MTMR7: variants seen among roughly 807,000 people sequenced by gnomAD.
MTMR7 encodes the protein phosphatidylinositol-3-phosphate phosphatase MTMR7.
In MTMR7, 76 loss-of-function variants were observed where a neutral mutation model predicts 81.2. The observed-to-expected ratio is 0.94, with a 90% CI of 0.78 to 1.13. MTMR7 has a LOEUF of 1.13. Ranked by LOEUF, MTMR7 falls within the 50% of genes most tolerant of loss-of-function variation. MTMR7 has a pLI of 0.00. For missense variants in MTMR7, 1,044 were observed against 820.0 expected (o/e 1.27, Z -3.34); for synonymous variants, 372 against 289.8 (o/e 1.28, Z -2.88).
At chr8:17,317,876 T>C (rs1380117263) in intron 7 of MTMR7, among the ~76,000 whole-genome samples, 1 of 152,206 alleles carries the variant, frequency 6.6e-6, no homozygotes, top group South Asian at 2.1e-4. Flanking sequence ...TTCCATGACC[T>C]CCTCTTTCAA....
chr8:17,325,461 G>A (rs927314662), intron 7 of MTMR7, among the ~76,000 whole-genome samples: 1 of 152,168 alleles, frequency 6.6e-6, no homozygotes, highest in African/African-American at 2.4e-5. Flanking sequence ...CATCATGTCA[G>A]GGAACATTTT....
intron 1 of MTMR7, among the ~76,000 whole-genome samples, chr8:17,403,878 C>G (rs527559973): frequency 1.3e-5 from 2 of 152,182 alleles, no homozygotes; most frequent in Non-Finnish European, 2.9e-5. Context: ...ACATTGTTCA[C>G]TGTTGGCATA....
intron 1 of MTMR7, among the ~76,000 whole-genome samples, chr8:17,397,844 C>A (rs1821308626): frequency 6.6e-6 from 1 of 152,128 alleles, no homozygotes; most frequent in South Asian, 2.1e-4. Flanking sequence ...CTTGTGTCAC[C>A]CCACTCCCAG....
At chr8:17,403,043 T>A (rs146372010) in intron 1 of MTMR7, among the ~76,000 whole-genome samples, 1 of 152,222 alleles carries the variant, frequency 6.6e-6, no homozygotes, top group Non-Finnish European at 1.5e-5. Flanking sequence ...TTTGTATGTC[T>A]TCCTTTGAGA....
intron 3 of MTMR7, among the ~76,000 whole-genome samples, chr8:17,368,690 T>C (rs529080429): frequency 2.6e-5 from 4 of 152,300 alleles, no homozygotes; most frequent in African/African-American, 9.6e-5. Flanking sequence ...GCCTTTAACA[T>C]TACACTGTGA....
intron 1 of MTMR7, among the ~76,000 whole-genome samples, chr8:17,399,254 C>T (rs540079062): frequency 7.2e-5 from 11 of 152,062 alleles, no homozygotes; most frequent in South Asian, 6.2e-4. Context: ...CACCAAAAAA[C>T]GATTCAAAAT....
Position 17,297,794 on chromosome 8 carries a change from T to C in MTMR7, c.*2068A>G, listed in dbSNP as rs1209609731. ...AAGAATCTGTGAAAGTACAGTAAAG[T>C]TTTAATAAGCAATAAATGTAACCTT... On this transcript the variant is annotated 3_prime_UTR_variant, in exon 14 of 14. Transcript: ENST00000180173. The C allele has an allele frequency of 6.6e-6, 1 of 151,980 alleles. No individual in the cohort carries two copies. The highest frequency in any genetic ancestry group is 1.5e-5 in the Non-Finnish European group (1 of 67,880). 9.4% of individuals were successfully genotyped at this position (151,980 alleles called of 1,614,324 possible).
At position 17,310,955 on chromosome 8, in the gene MTMR7, C is replaced by T. The variant is rs138816764; in HGVS notation, c.1101+556G>A. On this transcript the variant is annotated intron_variant, in intron 9 of 13. Transcript: ENST00000180173. ...TGAAAGCAACGTTACATTTGATGCC[C>T]ACCTAAAAAGCTCAAACTCTACAGG... Among the ~76,000 whole-genome samples, 40 of 152,200 alleles carry T rather than the reference C, an allele frequency of 2.6e-4. 1 individual carries two copies. The highest frequency in any genetic ancestry group is 3.9e-4 in the East Asian group (2 of 5,166).
At chr8:17,362,287 G>A (rs148686855) in intron 3 of MTMR7, among the ~76,000 whole-genome samples, 95 of 152,282 alleles carry the variant, frequency 6.2e-4, no homozygotes, top group Middle Eastern at 6.8e-3. Flanking sequence ...AATTTCACAT[G>A]TATTTGGCAC....
At chr8:17,345,479 C>T (rs1473148031) in intron 5 of MTMR7, among the ~76,000 whole-genome samples, 1 of 152,268 alleles carries the variant, frequency 6.6e-6, no homozygotes, top group East Asian at 1.9e-4. Context: ...CCTTCATGGG[C>T]TGTGGTGTCC....
At chr8:17,380,442 G>A (rs1454558356) in intron 1 of MTMR7, among the ~76,000 whole-genome samples, 1 of 152,070 alleles carries the variant, frequency 6.6e-6, no homozygotes, top group African/African-American at 2.4e-5. Context: ...AGATCCTGCA[G>A]GGAACAGGTG....
chr8:17,405,927 T>A (rs1244080551), intron 1 of MTMR7, among the ~76,000 whole-genome samples: 1 of 152,008 alleles, frequency 6.6e-6, no homozygotes, highest in Non-Finnish European at 1.5e-5. Flanking sequence ...CTGTTTTATA[T>A]ATGTAAAGAA....
intron 5 of MTMR7, among the ~76,000 whole-genome samples, chr8:17,343,224 C>A (rs1011931809): frequency 6.6e-6 from 1 of 151,960 alleles, no homozygotes; most frequent in Non-Finnish European, 1.5e-5. Context: ...GTCAGGAGTT[C>A]GAGACCAGCC....
At chr8:17,354,925 T>A (rs1819841840) in intron 4 of MTMR7, among the ~76,000 whole-genome samples, 1 of 152,118 alleles carries the variant, frequency 6.6e-6, no homozygotes, top group African/African-American at 2.4e-5. Context: ...GGTTTTTACC[T>A]TTTCTGCTTC....
chr8:17,370,820 C>G (rs897411775), intron 3 of MTMR7, among the ~76,000 whole-genome samples: 1 of 152,018 alleles, frequency 6.6e-6, no homozygotes, highest in African/African-American at 2.4e-5. Flanking sequence ...TACTAAGATT[C>G]ATGAAAGAGA....
intron 7 of MTMR7, among the ~76,000 whole-genome samples, chr8:17,324,601 C>T (rs1818575596): frequency 6.6e-6 from 1 of 152,236 alleles, no homozygotes; most frequent in Admixed American, 6.5e-5. Context: ...GGCAAAAGCA[C>T]ACATACTTGA....
At chr8:17,397,983 C>T (rs962202736) in intron 1 of MTMR7, among the ~76,000 whole-genome samples, 4 of 152,188 alleles carry the variant, frequency 2.6e-5, no homozygotes, top group Non-Finnish European at 4.4e-5. Context: ...GCAGTACCTC[C>T]GTGAGTCTGC....
rs1417904526 is a variant in MTMR7, at chr8:17,299,248, A to T, written c.*614T>A. 2.0e-5 allele frequency: 3 copies of T among 152,292 alleles called. No homozygotes were observed. Among genetic ancestry groups the T allele is most frequent in the Non-Finnish European group, 4.4e-5 (3 of 68,084 alleles). The allele number at this position is 152,292 out of a possible 1,614,324, so 9.4% of individuals were successfully genotyped here. A position where few individuals can be genotyped will look rare whatever the true frequency, so the allele number is the denominator to read the frequency against. On this transcript the variant is annotated 3_prime_UTR_variant, in exon 14 of 14. Transcript: ENST00000180173. ...TGAGGAGAAACAGACTATAGATCTC[A>T]GAGAAAAGCAACAAAATTATTCTCA...
chr8:17,309,285 A>C lies in MTMR7; in HGVS notation c.1143T>G (p.Phe381Leu). ...TCTTAAATATTACTTACCGGTGATT[A>C]AACTTATGACCAAAGGAAATCCAGT... ...EKDWISFGHK[F>L]NHRYGNLDGD... is the part of the protein sequence containing the mutation. The change falls in exon 10 of 14, where the codon TTT becomes TTG. Residue 381 changes from phenylalanine (F) to leucine (L), a missense_variant. Transcript: ENST00000180173. 6.5e-7 allele frequency: 1 copy of C among 1,542,450 alleles called. No homozygotes were observed. Among genetic ancestry groups the C allele is most frequent in the Non-Finnish European group, 9.0e-7 (1 of 1,115,394 alleles).
Sources: gnomAD v4.1 joint callset for allele counts (sites outside exome capture counted in the v4.1 genomes callset) on GRCh38, gnomAD v4.1.1 for gene constraint, MANE v1.5 for transcripts, NCBI Gene and HGNC (gene_info 2026-07-23, HGNC 2026-07-21) for gene names.